The following LIPM variants were observed in gnomAD, a reference collection of about 807,000 sequenced individuals.
The protein encoded by LIPM is lipase member M.
In LIPM, 42 loss-of-function variants were observed where a neutral mutation model predicts 42.4. That is an observed-to-expected ratio of 0.99 (90% CI 0.77 to 1.28). The LOEUF (loss-of-function observed/expected upper bound fraction) is 1.28. LIPM is among the 50% of genes most tolerant of loss of function. The pLI is 0.00. For missense variants in LIPM, 524 were observed against 520.1 expected (o/e 1.01, Z -0.07); for synonymous variants, 177 against 173.3 (o/e 1.02, Z -0.17).
intron 7 of LIPM, among the ~76,000 whole-genome samples, chr10:88,817,598 C>T (rs960224171): frequency 2.0e-5 from 3 of 152,212 alleles, no homozygotes; most frequent in Admixed American, 1.3e-4. Flanking sequence ...CCTGGAGTTG[C>T]TAATGCAATG....
At chr10:88,814,699 C>A in intron 4 of LIPM, 60 bp downstream of exon 4, 1 of 1,273,192 alleles carries the variant, frequency 7.9e-7, no homozygotes. Context: ...ACGACACTAG[C>A]TATCCCTGAA....
At chr10:88,808,689 A>T (rs1367018213) in intron 2 of LIPM, among the ~76,000 whole-genome samples, 1 of 152,032 alleles carries the variant, frequency 6.6e-6, no homozygotes, top group Admixed American at 6.6e-5. Flanking sequence ...CGCTTAACCC[A>T]TTCCCCAAAA....
At chr10:88,818,232 G>A (rs1196351828) in intron 8 of LIPM, among the ~76,000 whole-genome samples, 2 of 152,246 alleles carry the variant, frequency 1.3e-5, no homozygotes, top group East Asian at 3.9e-4. Context: ...TAAAAAAAAT[G>A]GGATGGTGGC....
intron 1 of LIPM, among the ~76,000 whole-genome samples, chr10:88,807,052 C>A (rs1287121554): frequency 3.9e-5 from 6 of 152,182 alleles, no homozygotes; most frequent in Admixed American, 3.9e-4. Context: ...CACATATACA[C>A]TGCATTCCAT....
chr10:88,813,947 C>T (rs987457127), intron 3 of LIPM, among the ~76,000 whole-genome samples: 10 of 152,140 alleles, frequency 6.6e-5, no homozygotes, highest in African/African-American at 1.7e-4. Context: ...CATGATTCAA[C>T]TACCTCCACC....
chr10:88,812,946 A>G, intron 2 of LIPM, 151 bp from the exon 3 acceptor site: 1 of 628,868 alleles, frequency 1.6e-6, no homozygotes, highest in South Asian at 2.1e-5. Context: ...CACACACCAA[A>G]GGTCAAGTAA....
intron 7 of LIPM, among the ~76,000 whole-genome samples, chr10:88,817,115 AG>A (rs1843727109): frequency 6.6e-6 from 1 of 152,224 alleles, no homozygotes; most frequent in Non-Finnish European, 1.5e-5. Flanking sequence ...AGATCTTAAA[AG>A]TATGAATTTA....
At chr10:88,817,583 C>T (rs1355985441) in intron 7 of LIPM, among the ~76,000 whole-genome samples, 1 of 152,208 alleles carries the variant, frequency 6.6e-6, no homozygotes, top group Non-Finnish European at 1.5e-5. Flanking sequence ...AATGAAGATG[C>T]ACTTCCTGGA....
chr10:88,809,183 G>A (rs977996400), intron 2 of LIPM, among the ~76,000 whole-genome samples: 1 of 151,944 alleles, frequency 6.6e-6, no homozygotes, highest in Non-Finnish European at 1.5e-5. Context: ...TTGAACTCCC[G>A]ACCTCAGGTG....
chr10:88,814,341 G>C (rs547531829), intron 3 of LIPM, among the ~76,000 whole-genome samples, 189 bp from the exon 4 acceptor site: 2 of 152,200 alleles, frequency 1.3e-5, no homozygotes, highest in African/African-American at 2.4e-5. Context: ...TTTGCTGACA[G>C]CCTGTGACTC....
In LIPM at chr10:88,802,800, C is replaced by G; in HGVS notation, c.-97C>G. ...TCAGAATTGGAAGAGGGAATTGCAGCAGGAAAATATGTGAAGAGTTTTTAA... is the reference window on the plus strand; with the variant it reads ...TCAGAATTGGAAGAGGGAATTGCAGGAGGAAAATATGTGAAGAGTTTTTAA... On this transcript the variant is annotated 5_prime_UTR_variant, in exon 1 of 9. Coordinates refer to ENST00000404743, the MANE Select transcript of LIPM (RefSeq NM_001128215.1). The G allele has an allele frequency of 7.8e-7, 1 of 1,277,678 alleles. No homozygotes were observed. Among genetic ancestry groups the G allele is most frequent in the Middle Eastern group, 1.9e-4 (1 of 5,254 alleles). 79.1% of individuals were successfully genotyped at this position (1,277,678 alleles called of 1,614,324 possible).
rs1843772600 is a variant in LIPM at position 88,820,319 on chromosome 10, G to C, written c.1090G>C (p.Asp364His). ...GGQDWLSNPEDVKMLLSEVTN... is the reference protein window; with the variant it reads ...GGQDWLSNPEHVKMLLSEVTN... ...TCAGGACTGGCTTTCAAATCCAGAA[G>C]ACGTGAAAATGCTGCTCTCTGAGGT... Residue 364 changes from aspartate to histidine, a missense_variant, in exon 9 of 9, where the codon GAC becomes CAC. Transcript: ENST00000404743. 1.9e-6 allele frequency: 3 copies of C among 1,552,238 alleles called. No individual in the cohort carries two copies. Among genetic ancestry groups the C allele is most frequent in the Non-Finnish European group, 2.6e-6 (3 of 1,147,100 alleles).
At chr10:88,806,068 G>A (rs1843582667) in intron 1 of LIPM, 1 of 452,410 alleles carries the variant, frequency 2.2e-6, no homozygotes, top group Non-Finnish European at 4.4e-6. Context: ...CTACAGCTAA[G>A]GCCATTCCTA....
Position 88,808,357 on chromosome 10 carries a change from T to C in LIPM, c.207T>C (p.Asp69=). The C allele has an allele frequency of 1.9e-6, 3 of 1,551,634 alleles. No homozygotes were observed. Among genetic ancestry groups the C allele is most frequent in the Non-Finnish European group, 2.6e-6 (3 of 1,146,874 alleles). The change falls in exon 2 of 9, where the codon GAT becomes GAC. Residue 69 remains aspartate (D), a synonymous_variant. Transcript: ENST00000404743. ...AGGAATATGAAGTCGCAACTGAAGA[T>C]GGGTATATCCTTTCTGTTAACAGGA... is the stretch of plus-strand genomic sequence containing the variant. ...PCEEYEVATE[D]GYILSVNRIP...
chr10:88,812,958 T>G, intron 2 of LIPM, 139 bp from the exon 3 acceptor site: 2 of 673,276 alleles, frequency 3.0e-6, no homozygotes, highest in Non-Finnish European at 5.0e-6. Flanking sequence ...GTCAAGTAAT[T>G]GGCCAAGATA....
At chr10:88,816,280 C>T (rs1265634691) in intron 6 of LIPM, among the ~76,000 whole-genome samples, 1 of 152,176 alleles carries the variant, frequency 6.6e-6, no homozygotes, top group African/African-American at 2.4e-5. Context: ...GCCAGCAGCA[C>T]TCCCAGCAGC....
At chr10:88,818,416 G>C (rs1843744091) in intron 8 of LIPM, among the ~76,000 whole-genome samples, 2 of 152,096 alleles carry the variant, frequency 1.3e-5, no homozygotes, top group Admixed American at 1.3e-4. Context: ...AAAATCCATA[G>C]GCATTCTCCC....
chr10:88,819,642 T>C (rs149693932), intron 8 of LIPM, among the ~76,000 whole-genome samples: 1 of 152,310 alleles, frequency 6.6e-6, no homozygotes, highest in East Asian at 1.9e-4. Context: ...GTATATTTGG[T>C]GGGGAAGGGT....
chr10:88,815,152 A>C lies in LIPM; in HGVS notation c.639A>C (p.Ala213=). 6.4e-7 allele frequency: 1 copy of C among 1,551,690 alleles called. No individual in the cohort carries two copies. Among genetic ancestry groups the C allele is most frequent in the Non-Finnish European group, 8.7e-7 (1 of 1,146,940 alleles). Residue 213 remains alanine (A), a synonymous_variant, in exon 5 of 9, where the codon GCA becomes GCC. Coordinates refer to ENST00000404743, the MANE Select transcript of LIPM (RefSeq NM_001128215.1). ...AQKIKMYFAL[A]PIATVKHAKS... is the part of the protein sequence containing the mutation. ...AAATCAAAATGTATTTTGCTTTAGCACCCATAGCCACTGTTAAGCATGCAA... is the reference window on the plus strand; with the variant it reads ...AAATCAAAATGTATTTTGCTTTAGCCCCCATAGCCACTGTTAAGCATGCAA...
Sources: allele counts gnomAD v4.1 joint callset (sites outside exome capture counted in the v4.1 genomes callset), GRCh38; gene constraint gnomAD v4.1.1; transcripts MANE v1.5; gene names NCBI Gene and HGNC (gene_info 2026-07-23, HGNC 2026-07-21).